CDK5RAP2: variants seen among roughly 807,000 people sequenced by gnomAD.
The protein encoded by CDK5RAP2 is CDK5 regulatory subunit-associated protein 2.
Under a neutral mutation model 232.9 loss-of-function variants are expected in CDK5RAP2, and 147 were observed. That is an observed-to-expected ratio of 0.63 (90% CI 0.55 to 0.72). The LOEUF (loss-of-function observed/expected upper bound fraction) is 0.72. CDK5RAP2 is among the 30% of genes least tolerant of loss of function. The probability of loss-of-function intolerance (pLI) is 0.00; values close to 1 mark genes in which losing one functional copy is unlikely to be tolerated. For synonymous variants in CDK5RAP2, 833 were observed against 833.7 expected (o/e 1.00, Z 0.01); for missense variants, 2,195 against 2,231.5 (o/e 0.98, Z 0.33).
At chr9:120,428,270 A>G (rs1274080529) in intron 25 of CDK5RAP2, among the ~76,000 whole-genome samples, 3 of 152,248 alleles carry the variant, frequency 2.0e-5, no homozygotes, top group Non-Finnish European at 2.9e-5. Context: ...GAAGAACTGA[A>G]GGAAATAGAG....
At chr9:120,492,121 T>C (rs910734396) in intron 12 of CDK5RAP2, among the ~76,000 whole-genome samples, 1 of 152,130 alleles carries the variant, frequency 6.6e-6, no homozygotes, top group African/African-American at 2.4e-5. Context: ...TACAGAATGA[T>C]TGTGACTACC....
In CDK5RAP2 at chr9:120,471,634, A is replaced by C. The variant is rs189005391; in HGVS notation, c.1858+114T>G. The C allele has an allele frequency of 2.7e-6, 4 of 1,481,208 alleles. No homozygotes were observed. In the African/African-American group the frequency reaches 5.5e-5, roughly 20 times the overall value. 91.8% of individuals were successfully genotyped at this position (1,481,208 alleles called of 1,614,324 possible). A position where few individuals can be genotyped will look rare whatever the true frequency, so the allele number is the denominator to read the frequency against. On this transcript the variant is annotated intron_variant, in intron 16 of 37. Coordinates refer to ENST00000349780, the MANE Select transcript of CDK5RAP2 (RefSeq NM_018249.6). ...TGGTCACCACAAAAAGGATCTCCAA[A>C]CGAAACCCCGTGTATGCTTCATCCC... is the stretch of plus-strand genomic sequence containing the variant.
intron 35 of CDK5RAP2, among the ~76,000 whole-genome samples, chr9:120,399,377 CA>C (rs2032795135): frequency 6.6e-6 from 1 of 152,102 alleles, no homozygotes; most frequent in Non-Finnish European, 1.5e-5. Context: ...GAAAAAAAAT[CA>C]CTGGTTCATT....
intron 16 of CDK5RAP2, among the ~76,000 whole-genome samples, chr9:120,471,534 C>G (rs778462944): frequency 6.6e-6 from 1 of 152,180 alleles, no homozygotes; most frequent in Non-Finnish European, 1.5e-5. Flanking sequence ...AGCAAGGAAG[C>G]AATCCTGCAC....
chr9:120,556,869 C>T (rs2042247202), intron 3 of CDK5RAP2, among the ~76,000 whole-genome samples: 1 of 152,148 alleles, frequency 6.6e-6, no homozygotes, highest in African/African-American at 2.4e-5. Flanking sequence ...GCACAAGAAA[C>T]AACTGGTAGG....
At chr9:120,521,771 G>A (rs575798077) in intron 11 of CDK5RAP2, among the ~76,000 whole-genome samples, 27 of 146,762 alleles carry the variant, frequency 1.8e-4, no homozygotes, top group African/African-American at 4.3e-4. Context: ...TCAGCCTCCC[G>A]AGTAGCTGGG....
chr9:120,481,862 T>C (rs189639561), intron 14 of CDK5RAP2, among the ~76,000 whole-genome samples: 32 of 152,354 alleles, frequency 2.1e-4, no homozygotes, highest in Admixed American at 2.0e-3. Context: ...TCTACATATG[T>C]CCTGGAGCGT....
In CDK5RAP2 at chr9:120,477,449, T is replaced by C. The variant is rs1564274799; in HGVS notation, c.1628A>G (p.Glu543Gly). 1 of 1,610,898 alleles carries C rather than the reference T, an allele frequency of 6.2e-7. No homozygotes were observed. Residue 543 changes from glutamate to glycine, a missense_variant and splice_region_variant, in exon 15 of 38, where the codon GAA becomes GGA. Transcript: ENST00000349780. ...PPGSKTIFSK[E>G]KKQSSDYEEL... is the part of the protein sequence containing the mutation. ...TTCATAGTCTGATGATTGTTTCTTTTCCTGGAAATGACAATGGGCATTTGA... is the reference window on the plus strand; with the variant it reads ...TTCATAGTCTGATGATTGTTTCTTTCCCTGGAAATGACAATGGGCATTTGA...
At chr9:120,482,324 T>A (rs983189281) in intron 14 of CDK5RAP2, among the ~76,000 whole-genome samples, 4 of 152,106 alleles carry the variant, frequency 2.6e-5, no homozygotes, top group Non-Finnish European at 5.9e-5. Flanking sequence ...TGGATATCAG[T>A]TCAGGCTCTT....
intron 12 of CDK5RAP2, among the ~76,000 whole-genome samples, chr9:120,498,489 T>A (rs2039421625): frequency 6.6e-6 from 1 of 152,166 alleles, no homozygotes; most frequent in Admixed American, 6.5e-5. Context: ...TCAATGTGGA[T>A]CCTTCATGAG....
chr9:120,568,410 G>A, intron 2 of CDK5RAP2, 22 bp from the exon 3 acceptor site: 1 of 1,575,626 alleles, frequency 6.3e-7, no homozygotes, highest in Non-Finnish European at 8.7e-7. Context: ...TAAAATAGAG[G>A]AAAACGTCAC....
chr9:120,542,081 T>C (rs1017589135), intron 5 of CDK5RAP2, among the ~76,000 whole-genome samples: 8 of 152,214 alleles, frequency 5.3e-5, no homozygotes, highest in Non-Finnish European at 8.8e-5. Context: ...TGTCATATCC[T>C]GTCCCCACGC....
At chr9:120,406,177 C>G (rs2033421543) in intron 32 of CDK5RAP2, 1 of 152,206 alleles carries the variant, frequency 6.6e-6, no homozygotes, top group South Asian at 2.1e-4. Context: ...AAGTAAAAGT[C>G]AGTCCAAACT....
At chr9:120,467,124 C>T (rs143190652) in intron 18 of CDK5RAP2, among the ~76,000 whole-genome samples, 1 of 152,224 alleles carries the variant, frequency 6.6e-6, no homozygotes, top group Non-Finnish European at 1.5e-5. Context: ...AACAGAAAAT[C>T]AGAGCCAACA....
At chr9:120,487,942 G>GA (rs1247258601) in intron 13 of CDK5RAP2, among the ~76,000 whole-genome samples, 3 of 152,092 alleles carry the variant, frequency 2.0e-5, no homozygotes, top group Non-Finnish European at 2.9e-5. Flanking sequence ...TGACTTCCAG[G>GA]AAAAAAAGCC....
chr9:120,456,813 T>C (rs1422091133), intron 20 of CDK5RAP2, among the ~76,000 whole-genome samples: 1 of 152,168 alleles, frequency 6.6e-6, no homozygotes, highest in Non-Finnish European at 1.5e-5. Context: ...ACTTTACAAA[T>C]GGGTAGTAAA....
chr9:120,415,204 C>A (rs1408459358), intron 27 of CDK5RAP2, 45 bp from the exon 28 acceptor site: 2 of 1,604,440 alleles, frequency 1.2e-6, no homozygotes, highest in Non-Finnish European at 1.7e-6. Flanking sequence ...GAACCCCCAA[C>A]AAATTGAATA....
At position 120,389,739 on chromosome 9, in the gene CDK5RAP2, A is replaced by C; in HGVS notation, c.5625+2T>G. 6.2e-7 allele frequency: 1 copy of C among 1,614,008 alleles called. No individual in the cohort carries two copies. The highest frequency in any genetic ancestry group is 8.5e-7 in the Non-Finnish European group (1 of 1,179,898). ...TGCAGTGAAAAGACTCAAAGGGCAT[A>C]CCTCCAGGTTTCCTCTGGCCTTCCG... On this transcript the variant is annotated splice_donor_variant, in intron 37 of 37. Transcript: ENST00000349780. LOFTEE classifies it high-confidence loss of function.
At chr9:120,415,299 C>T (rs189408381) in intron 27 of CDK5RAP2, 140 bp from the exon 28 acceptor site, 8 of 920,096 alleles carry the variant, frequency 8.7e-6, no homozygotes, top group South Asian at 8.4e-5. Context: ...CTTTCCTAGG[C>T]ATGGGGAGGG....
Sources: allele counts gnomAD v4.1 joint callset (sites outside exome capture counted in the v4.1 genomes callset), GRCh38; gene constraint gnomAD v4.1.1; transcripts MANE v1.5; gene names NCBI Gene and HGNC (gene_info 2026-07-23, HGNC 2026-07-21).